The following KRT5 variants were observed in gnomAD, a reference collection of about 807,000 sequenced individuals.
KRT5 encodes the protein keratin, type II cytoskeletal 5.
In KRT5, 17 loss-of-function variants were observed where a neutral mutation model predicts 44.0. The ratio of observed to expected loss-of-function variants is 0.39; its 90% CI spans 0.26 to 0.58. KRT5 has a LOEUF of 0.58. Ranked by LOEUF, KRT5 falls within the 20% of genes least tolerant of loss-of-function variation. KRT5 has a pLI of 0.61. For missense variants in KRT5, 737 were observed against 785.5 expected (o/e 0.94, Z 0.74); for synonymous variants, 329 against 312.8 (o/e 1.05, Z -0.55).
chr12:52,519,948 G>T lies in KRT5; in HGVS notation c.349C>A (p.Leu117Ile), dbSNP rs1219197486. 6.2e-7 allele frequency: 1 copy of T among 1,612,346 alleles called. No individual in the cohort carries two copies. Among genetic ancestry groups the T allele is most frequent in the Non-Finnish European group, 8.5e-7 (1 of 1,179,032 alleles). The change falls in exon 1 of 9, where the codon CTC becomes ATC. Residue 117 changes from leucine (L) to isoleucine (I), a missense_variant. Physicochemically the swap from Leu to Ile is conservative, Grantham distance 5 (BLOSUM62 2). Coordinates refer to ENST00000252242, the MANE Select transcript of KRT5 (RefSeq NM_000424.4). Reference sequence around the variant, plus strand: ...CCTCCAAAGCCAGCTCCGCCACCGAGCCCAAAGCCACCACCAGCTCCACCG... The same window carrying T: ...CCTCCAAAGCCAGCTCCGCCACCGATCCCAAAGCCACCACCAGCTCCACCG... ...FGGGAGGGFG[L>I]GGGAGFGGGF... is the part of the protein sequence containing the mutation.
intron 7 of KRT5, chr12:52,516,207 G>C (rs920024549): frequency 4.7e-6 from 2 of 427,268 alleles, no homozygotes; most frequent in African/African-American, 4.0e-5. Flanking sequence ...GGCAATGTCA[G>C]AGGTTGAAGC....
intron 3 of KRT5, 52 bp from the exon 4 acceptor site, chr12:52,518,044 G>A: frequency 6.2e-7 from 1 of 1,611,004 alleles, no homozygotes; most frequent in Non-Finnish European, 8.5e-7. Flanking sequence ...CTACTCAAGT[G>A]AGCTCCACGC....
rs1938603193 is a variant in KRT5, at chr12:52,515,891, A to T, written c.1440-59T>A. 4 of 1,412,962 alleles carry T rather than the reference A, an allele frequency of 2.8e-6. No homozygotes were observed. In the South Asian group the frequency reaches 4.6e-5, roughly 16 times the overall value. 87.5% of individuals were successfully genotyped at this position (1,412,962 alleles called of 1,614,324 possible). A position where few individuals can be genotyped will look rare whatever the true frequency, so the allele number is the denominator to read the frequency against. ...GCTCCCAAAAAGACAGCATTAGTCT[A>T]TGTGGCTAACTCCCATCCTCATGAT... On this transcript the variant is annotated intron_variant, in intron 7 of 8. Coordinates refer to ENST00000252242, the MANE Select transcript of KRT5 (RefSeq NM_000424.4).
intron 6 of KRT5, 114 bp downstream of exon 6, chr12:52,516,993 A>G (rs560044234): frequency 6.7e-7 from 1 of 1,500,550 alleles, no homozygotes; most frequent in East Asian, 2.3e-5. Context: ...ACACTGAAAC[A>G]CTGGTACTGG....
Position 52,517,213 on chromosome 12 carries a change from G to A in KRT5, c.1112C>T (p.Thr371Ile), listed in dbSNP as rs1006432596. Reference sequence around the variant, plus strand: ...GAGGTCATCGCCATGCCGGCCAGCTGTCTGCTGCAGCTCCTCATACTGATG... The same window carrying A: ...GAGGTCATCGCCATGCCGGCCAGCTATCTGCTGCAGCTCCTCATACTGATG... Reference protein sequence around the residue: ...YQTKYEELQQTAGRHGDDLRN... With the variant: ...YQTKYEELQQIAGRHGDDLRN... The change falls in exon 6 of 9, where the codon ACA (threonine) becomes ATA (isoleucine). Residue 371 changes from threonine to isoleucine, a missense_variant. By Grantham distance (89) the Thr-to-Ile change is moderately conservative (BLOSUM62 -1). Around this residue, in one of 5 missense-constraint regions of KRT5, gnomAD observed 344 missense variants for 351.6 expected, o/e 0.98. Coordinates refer to ENST00000252242, the MANE Select transcript of KRT5 (RefSeq NM_000424.4). 4 of 1,613,944 alleles carry A rather than the reference G, an allele frequency of 2.5e-6. No homozygotes were observed. The highest frequency in any genetic ancestry group is 3.4e-6 in the Non-Finnish European group (4 of 1,180,012).
chr12:52,515,565 C>T, intron 8 of KRT5: 1 of 633,624 alleles, frequency 1.6e-6, no homozygotes, highest in South Asian at 1.9e-5. Flanking sequence ...GGGACAGGGT[C>T]CAAGAAGCAT....
Position 52,514,704 on chromosome 12 carries a change from G to T in KRT5, c.*238C>A. ...AAAACTTTGGGTTCTCGTGTCAGCA[G>T]GGGCCATGCTGTGGGAAACCTGAAG... is the stretch of plus-strand genomic sequence containing the variant. On this transcript the variant is annotated 3_prime_UTR_variant, in exon 9 of 9. Transcript: ENST00000252242. 1.9e-6 allele frequency: 1 copy of T among 537,134 alleles called. No individual in the cohort carries two copies. The highest frequency in any genetic ancestry group is 3.3e-6 in the Non-Finnish European group (1 of 304,604). The allele number at this position is 537,134 out of a possible 1,614,324, so 33.3% of individuals were successfully genotyped here. A position where few individuals can be genotyped will look rare whatever the true frequency, so the allele number is the denominator to read the frequency against.
At chr12:52,515,993 G>A (rs1938604199) in intron 7 of KRT5, 161 bp from the exon 8 acceptor site, 1 of 670,396 alleles carries the variant, frequency 1.5e-6, no homozygotes, top group Admixed American at 2.4e-5. Flanking sequence ...CTCTCCAGAG[G>A]GATTTTCCAA....
At position 52,515,790 on chromosome 12, in the gene KRT5, C is replaced by G. The variant is rs201847147; in HGVS notation, c.1474+8G>C. The G allele has an allele frequency of 5.8e-5, 94 of 1,609,430 alleles. No individual in the cohort carries two copies. In the South Asian group the frequency reaches 9.9e-4, roughly 17 times the overall value. On this transcript the variant is annotated splice_region_variant and intron_variant, in intron 8 of 8. Transcript: ENST00000252242. ...TGTCGTTGTTAATGTCTGTTCAAAG[C>G]TACTTACAGATGTTGACTGGTCCAA...
intron 8 of KRT5, 151 bp downstream of exon 8, chr12:52,515,647 C>T (rs1384448749): frequency 5.4e-6 from 4 of 739,730 alleles, no homozygotes; most frequent in Admixed American, 2.0e-5. Context: ...TGTCCTTCCC[C>T]TCCACCACCC....
chr12:52,515,763 A>G (rs769173374), intron 8 of KRT5, 35 bp downstream of exon 8: 2 of 1,554,150 alleles, frequency 1.3e-6, no homozygotes, highest in Non-Finnish European at 1.8e-6. Flanking sequence ...ATCCCATATT[A>G]TTGTCGTTGT....
rs770872825 is a variant in KRT5, at chr12:52,515,009, C to T, written c.1706G>A (p.Gly569Glu). Reference sequence around the variant, plus strand: ...AAATTTGACGCTGGAGCTGCTACCCCCGCCACTGCCAAAGCCCACCCCCAG... The same window carrying T: ...AAATTTGACGCTGGAGCTGCTACCCTCGCCACTGCCAAAGCCCACCCCCAG... ...RGLGVGFGSG[G>E]GSSSSVKFVS... Residue 569 changes from glycine (G) to glutamate (E), a missense_variant, in exon 9 of 9, where the codon GGG becomes GAG. This residue lies in a region of KRT5 where 344 missense variants were observed against 351.6 expected (regional missense o/e 0.98). Transcript: ENST00000252242. The T allele has an allele frequency of 1.2e-6, 2 of 1,613,194 alleles. No individual in the cohort carries two copies. The highest frequency in any genetic ancestry group is 2.2e-5 in the South Asian group (2 of 90,996).
rs746080330 is a variant in KRT5, at chr12:52,520,288, G to T, written c.9C>A (p.Arg3=). MS[R]QSSVSFRSGG... is the part of the protein sequence containing the mutation. ...CGCTCCGGAAGGACACACTTGACTG[G>T]CGAGACATGGTGGCTTGTTCCTGGT... The change falls in exon 1 of 9, where the codon CGC becomes CGA. Residue 3 remains arginine (R), a synonymous_variant. Transcript: ENST00000252242. 6.2e-7 allele frequency: 1 copy of T among 1,613,230 alleles called. No individual in the cohort carries two copies.
rs772939737 is a variant in KRT5 at position 52,517,900 on chromosome 12, A to G, written c.924T>C (p.Asp308=). The stretch of plus-strand genomic sequence containing the variant: ...AAAATTTAGATAAGTTTCTTACCGC[A>G]TCAAAGAACATCTTCATGAAGTTAA... The part of the protein sequence containing the change: ...DEINFMKMFF[D]AELSQMQTHV... Residue 308 remains aspartate (D), a synonymous_variant, in exon 4 of 9, where the codon GAT becomes GAC. Transcript: ENST00000252242. The G allele has an allele frequency of 1.9e-6, 3 of 1,614,080 alleles. No homozygotes were observed. Among genetic ancestry groups the G allele is most frequent in the Non-Finnish European group, 8.5e-7 (1 of 1,179,876 alleles).
Position 52,514,910 on chromosome 12 carries a change from G to T in KRT5, c.*32C>A, listed in dbSNP as rs756604202. The T allele has an allele frequency of 1.3e-6, 2 of 1,586,226 alleles. No individual in the cohort carries two copies. Among genetic ancestry groups the T allele is most frequent in the South Asian group, 2.2e-5 (2 of 90,460 alleles). ...GGCAATCTCCATGGGCTGGGTTGCT[G>T]CACTTGGAAGGCAGTGACTTGCAGC... On this transcript the variant is annotated 3_prime_UTR_variant, in exon 9 of 9. Coordinates refer to ENST00000252242, the MANE Select transcript of KRT5 (RefSeq NM_000424.4).
At chr12:52,516,094 G>A in intron 7 of KRT5, 1 of 567,030 alleles carries the variant, frequency 1.8e-6, no homozygotes, top group Non-Finnish European at 3.1e-6. Context: ...TAAGAGATTT[G>A]GAAAATGTGA....
At chr12:52,519,201 T>A (rs1290078250) in intron 1 of KRT5, 41 bp from the exon 2 acceptor site, 1 of 1,612,616 alleles carries the variant, frequency 6.2e-7, no homozygotes, top group Non-Finnish European at 8.5e-7. Context: ...AACTTGGATT[T>A]CATGTTCTAT....
Position 52,520,354 on chromosome 12 carries a change from G to T in KRT5, c.-58C>A. 2 of 1,523,266 alleles carry T rather than the reference G, an allele frequency of 1.3e-6. No homozygotes were observed. Among genetic ancestry groups the T allele is most frequent in the Non-Finnish European group, 1.8e-6 (2 of 1,102,942 alleles). 94.4% of individuals were successfully genotyped at this position (1,523,266 alleles called of 1,614,324 possible). A position where few individuals can be genotyped will look rare whatever the true frequency, so the allele number is the denominator to read the frequency against. On this transcript the variant is annotated 5_prime_UTR_variant, in exon 1 of 9. Coordinates refer to ENST00000252242, the MANE Select transcript of KRT5 (RefSeq NM_000424.4). ...GGCACTAGTGGGTTGGGAGGTGCTG[G>T]AGAGAACAGAGCTCAGCAGGACGCA...
intron 1 of KRT5, 64 bp downstream of exon 1, chr12:52,519,678 C>T: frequency 6.7e-7 from 1 of 1,502,230 alleles, no homozygotes; most frequent in Non-Finnish European, 9.3e-7. Flanking sequence ...CATCTTCCTT[C>T]TTTCTCTCTC....
Sources: gnomAD v4.1 joint callset for allele counts on GRCh38, gnomAD v4.1.1 for gene constraint, gnomAD v4.1.1 regional missense constraint, MANE v1.5 for transcripts, NCBI Gene and HGNC (gene_info 2026-07-23, HGNC 2026-07-21) for gene names.